The following NELL1 variants were observed in gnomAD, a reference collection of about 807,000 sequenced individuals.
NELL1 encodes the protein neural EGFL like 1, also known as protein kinase C-binding protein NELL1.
Under a neutral mutation model 107.4 loss-of-function variants are expected in NELL1, and 76 were observed. The observed-to-expected ratio is 0.71, with a 90% CI of 0.59 to 0.86. The LOEUF is 0.86. Among genes scored for constraint, NELL1 ranks in the 40% least tolerant of loss-of-function variants. NELL1 has a pLI of 0.00. For missense variants in NELL1, 1,024 were observed against 1,005.5 expected, an observed-to-expected ratio of 1.02 and a Z score of -0.25; for synonymous variants, 353 against 341.2, an observed-to-expected ratio of 1.03 and a Z score of -0.38.
chr11:20,779,851 A>C (rs1357924058), intron 2 of NELL1, among the ~76,000 whole-genome samples: 1 of 152,220 alleles, frequency 6.6e-6, no homozygotes, highest in Admixed American at 6.5e-5. Flanking sequence ...TAATTTTCAG[A>C]TGTAGAGTGT....
chr11:21,326,310 A>G (rs2133677536), intron 14 of NELL1, among the ~76,000 whole-genome samples: 1 of 150,910 alleles, frequency 6.6e-6, no homozygotes, highest in Non-Finnish European at 1.5e-5. Context: ...TGTTTTTCCA[A>G]TGGTTGCTCA....
intron 2 of NELL1, among the ~76,000 whole-genome samples, chr11:20,684,436 A>C (rs1037797912): frequency 2.0e-5 from 3 of 151,940 alleles, no homozygotes; most frequent in African/African-American, 7.3e-5. Flanking sequence ...TGTAGCTTTA[A>C]CTCTGTAAGT....
intron 4 of NELL1, among the ~76,000 whole-genome samples, chr11:20,858,054 A>C (rs1317878469): frequency 2.0e-5 from 3 of 152,144 alleles, no homozygotes; most frequent in African/African-American, 7.2e-5. Flanking sequence ...GGGTGCATTC[A>C]TGGGTAACAA....
At chr11:20,717,177 A>G (rs775627906) in intron 2 of NELL1, among the ~76,000 whole-genome samples, 1 of 152,238 alleles carries the variant, frequency 6.6e-6, no homozygotes, top group African/African-American at 2.4e-5. Context: ...TAATTATCCA[A>G]CAACTCATTA....
intron 15 of NELL1, among the ~76,000 whole-genome samples, chr11:21,518,259 C>T (rs1855623873): frequency 6.6e-6 from 1 of 151,900 alleles, no homozygotes; most frequent in Admixed American, 6.5e-5. Flanking sequence ...TACTTGTCTG[C>T]CCTTTACACA....
At chr11:21,548,777 A>T (rs1414376592) in intron 16 of NELL1, among the ~76,000 whole-genome samples, 1 of 151,622 alleles carries the variant, frequency 6.6e-6, no homozygotes, top group Non-Finnish European at 1.5e-5. Flanking sequence ...CCTGGCTTTA[A>T]GTTAGGATGC....
At chr11:21,065,594 C>T (rs865790016) in intron 12 of NELL1, among the ~76,000 whole-genome samples, 70 of 152,090 alleles carry the variant, frequency 4.6e-4, no homozygotes, top group African/African-American at 1.6e-3. Context: ...GGATTGCATG[C>T]GTTGCATTCA....
intron 14 of NELL1, among the ~76,000 whole-genome samples, chr11:21,253,870 C>G (rs535295891): frequency 4.6e-5 from 7 of 152,172 alleles, no homozygotes; most frequent in African/African-American, 1.7e-4. Flanking sequence ...GGCAATTAAA[C>G]AATGTAGTGT....
chr11:20,791,693 G>C (rs920428943), intron 3 of NELL1, among the ~76,000 whole-genome samples: 1 of 147,316 alleles, frequency 6.8e-6, no homozygotes, highest in African/African-American at 2.5e-5. Flanking sequence ...TATGTCAGCT[G>C]TGTGGATTTT....
At chr11:21,399,196 G>T (rs984094425) in intron 15 of NELL1, among the ~76,000 whole-genome samples, 6 of 151,710 alleles carry the variant, frequency 4.0e-5, no homozygotes, top group African/African-American at 1.2e-4. Context: ...TCAATTTAAG[G>T]TCAGTTGTAT....
chr11:21,356,169 A>G (rs1325883229), intron 14 of NELL1, among the ~76,000 whole-genome samples: 1 of 152,156 alleles, frequency 6.6e-6, no homozygotes, highest in East Asian at 1.9e-4. Flanking sequence ...CTTCTCCATA[A>G]GAATATAAAC....
intron 12 of NELL1, among the ~76,000 whole-genome samples, chr11:21,009,598 G>T (rs1852403728): frequency 6.6e-6 from 1 of 152,014 alleles, no homozygotes; most frequent in East Asian, 1.9e-4. Context: ...TCTGTGTCTT[G>T]CTGCCTCAGA....
chr11:21,215,747 G>T (rs544969957), intron 13 of NELL1, among the ~76,000 whole-genome samples: 1 of 152,294 alleles, frequency 6.6e-6, no homozygotes. Flanking sequence ...TGAGAGAGAT[G>T]ATTTAGGGTG....
intron 12 of NELL1, among the ~76,000 whole-genome samples, chr11:21,013,945 A>G (rs1852508017): frequency 6.6e-6 from 1 of 151,942 alleles, no homozygotes; most frequent in Non-Finnish European, 1.5e-5. Flanking sequence ...AATATCCCTC[A>G]GTTTGGATTT....
chr11:20,935,765 G>A (rs539459378), intron 9 of NELL1: 22 of 152,518 alleles, frequency 1.4e-4, no homozygotes, highest in Admixed American at 3.9e-4. Flanking sequence ...AGTGTCTGGG[G>A]GCAGAGGGTG....
intron 3 of NELL1, among the ~76,000 whole-genome samples, chr11:20,799,598 T>C (rs1857241196): frequency 6.6e-6 from 1 of 152,228 alleles, no homozygotes; most frequent in Non-Finnish European, 1.5e-5. Context: ...TAGGAGTGAA[T>C]TGGTAGTTCA....
At chr11:21,430,448 C>A (rs1852936634) in intron 15 of NELL1, among the ~76,000 whole-genome samples, 2 of 152,086 alleles carry the variant, frequency 1.3e-5, no homozygotes, top group African/African-American at 2.4e-5. Context: ...AGCTGAGACA[C>A]TTTAGCCATT....
At chr11:21,178,378 A>G (rs116166796) in intron 13 of NELL1, among the ~76,000 whole-genome samples, 1,694 of 151,976 alleles carry the variant, frequency 0.011, 76 homozygotes, top group African/African-American at 0.038. Flanking sequence ...CAAAAAGTGC[A>G]GGTAGTGTGC....
chr11:21,539,982 A>G (rs1042144202), intron 16 of NELL1, among the ~76,000 whole-genome samples: 1 of 151,888 alleles, frequency 6.6e-6, no homozygotes, highest in African/African-American at 2.4e-5. Flanking sequence ...CTGAAGATTC[A>G]TATTCAGTTG....
Sources: allele counts gnomAD v4.1 joint callset (sites outside exome capture counted in the v4.1 genomes callset), GRCh38; gene constraint gnomAD v4.1.1; transcripts MANE v1.5; gene names NCBI Gene and HGNC (gene_info 2026-07-23, HGNC 2026-07-21).